The following SAMMSON variants were observed in gnomAD, a reference collection of about 807,000 sequenced individuals.
SAMMSON encodes the protein long intergenic non-protein coding RNA 1212.
At chr3:70,097,973 T>G (rs931333227) in intron 4 of SAMMSON, among the ~76,000 whole-genome samples, 1 of 152,222 alleles carries the variant, frequency 6.6e-6, no homozygotes, top group African/African-American at 2.4e-5. Flanking sequence ...CACCACATAA[T>G]AAATAGGGAG....
intron 4 of SAMMSON, chr3:70,197,299 A>G (rs1006962370): frequency 9.1e-5 from 36 of 397,126 alleles, no homozygotes; most frequent in Admixed American, 1.8e-4. Context: ...TTATTTATCC[A>G]CATTAGGGGT....
intron 4 of SAMMSON, among the ~76,000 whole-genome samples, chr3:70,213,934 T>C (rs1018432945): frequency 1.3e-5 from 2 of 152,058 alleles, no homozygotes; most frequent in African/African-American, 4.8e-5. Flanking sequence ...TTTCTTGACA[T>C]TGAGAAAAGC....
At chr3:70,212,490 T>A (rs1701361079) in intron 4 of SAMMSON, among the ~76,000 whole-genome samples, 1 of 152,098 alleles carries the variant, frequency 6.6e-6, no homozygotes, top group Non-Finnish European at 1.5e-5. Context: ...TCCAATCATT[T>A]ACAAGTTCTT....
At chr3:70,294,110 ATTCTCAGT>A (rs1176302156) in intron 7 of SAMMSON, among the ~76,000 whole-genome samples, 1 of 152,162 alleles carries the variant, frequency 6.6e-6, no homozygotes, top group Non-Finnish European at 1.5e-5. Flanking sequence ...TAAGTTTCCT[ATTCTCAGT>A]GTTTTAGAAA....
chr3:70,177,721 T>C (rs1398940022), intron 4 of SAMMSON, among the ~76,000 whole-genome samples: 1 of 152,178 alleles, frequency 6.6e-6, no homozygotes, highest in Middle Eastern at 3.2e-3. Context: ...ATGAGGAAGA[T>C]TCCATTATTA....
At chr3:70,063,847 A>G (rs2067199572) in intron 3 of SAMMSON, among the ~76,000 whole-genome samples, 1 of 152,078 alleles carries the variant, frequency 6.6e-6, no homozygotes, top group African/African-American at 2.4e-5. Context: ...CAATATTTGT[A>G]AAGGGCTTAG....
At chr3:70,220,453 A>G (rs1701452494) in intron 4 of SAMMSON, among the ~76,000 whole-genome samples, 1 of 152,028 alleles carries the variant, frequency 6.6e-6, no homozygotes, top group Admixed American at 6.6e-5. Flanking sequence ...AAAAAAAATT[A>G]CTTCAAGTTA....
chr3:70,372,872 T>C (rs1004428867), intron 9 of SAMMSON, among the ~76,000 whole-genome samples: 18 of 152,330 alleles, frequency 1.2e-4, no homozygotes, highest in African/African-American at 4.1e-4. Context: ...CACAGTCTAC[T>C]GGTGTCATTT....
intron 4 of SAMMSON, among the ~76,000 whole-genome samples, chr3:70,117,438 T>C (rs1415107549): frequency 6.6e-6 from 1 of 152,228 alleles, no homozygotes; most frequent in Non-Finnish European, 1.5e-5. Context: ...GAACTTGATA[T>C]TATTTATCAG....
intron 3 of SAMMSON, among the ~76,000 whole-genome samples, chr3:70,071,174 CAA>C (rs1298893218): frequency 2.6e-5 from 4 of 151,974 alleles, no homozygotes; most frequent in Admixed American, 2.0e-4. Context: ...TTATGCATCA[CAA>C]AGAGGTACAA....
chr3:70,388,532 T>C (rs529467564), intron 9 of SAMMSON, among the ~76,000 whole-genome samples: 1 of 152,270 alleles, frequency 6.6e-6, no homozygotes, highest in African/African-American at 2.4e-5. Flanking sequence ...CATTGCTATT[T>C]CTACAATATA....
At chr3:70,352,587 G>A (rs1014098535) in intron 7 of SAMMSON, among the ~76,000 whole-genome samples, 1 of 152,056 alleles carries the variant, frequency 6.6e-6, no homozygotes, top group Non-Finnish European at 1.5e-5. Context: ...AGCATGCTAA[G>A]CAACAGTATG....
At position 70,080,992 on chromosome 3, in the gene SAMMSON, A is replaced by G. The variant is rs553603859; in HGVS notation, n.507+9427A>G. On this transcript the variant is annotated intron_variant and non_coding_transcript_variant, in intron 4 of 9. Transcript: ENST00000642114. ...CCTACAAAAGTTGTTTCTTTGAACG[A>G]CAGACTTCTAATTGCTATATTGATA... 2.6e-5 allele frequency among the ~76,000 whole-genome samples: 4 copies of G among 152,344 alleles called. No individual in the cohort carries two copies. The South Asian group carries it at 6.2e-4, about 24-fold the overall frequency.
chr3:70,322,238 T>C (rs1006429456), intron 7 of SAMMSON, among the ~76,000 whole-genome samples: 6 of 152,126 alleles, frequency 3.9e-5, no homozygotes, highest in African/African-American at 1.4e-4. Context: ...CTAATAGATA[T>C]TATTGACCGA....
chr3:70,313,140 T>A (rs1400303055), intron 7 of SAMMSON, among the ~76,000 whole-genome samples: 1 of 152,098 alleles, frequency 6.6e-6, no homozygotes, highest in African/African-American at 2.4e-5. Context: ...ATTCCAAAGA[T>A]GATATGTCAT....
chr3:70,098,309 C>G (rs1356837493), intron 4 of SAMMSON, among the ~76,000 whole-genome samples: 1 of 152,166 alleles, frequency 6.6e-6, no homozygotes, highest in Non-Finnish European at 1.5e-5. Flanking sequence ...GCCTCTCTCC[C>G]TTCCCTCCTA....
chr3:70,250,898 C>T lies in SAMMSON; in HGVS notation n.674+1228C>T, dbSNP rs935169497. Among the ~76,000 whole-genome samples, 14 of 152,248 alleles carry T rather than the reference C, an allele frequency of 9.2e-5. No homozygotes were observed. The South Asian group carries it at 1.0e-3, about 11-fold the overall frequency. On this transcript the variant is annotated intron_variant and non_coding_transcript_variant, in intron 6 of 9. Transcript: ENST00000642114. ...AAGGCTTCATCAAAAATATATAGTA[C>T]ATTTGGCTGAAAAAAATGGTCTCCA...
chr3:70,013,281 T>G (rs1470735001), intron 2 of SAMMSON, among the ~76,000 whole-genome samples: 4 of 152,164 alleles, frequency 2.6e-5, no homozygotes, highest in African/African-American at 9.7e-5. Flanking sequence ...TGAGTTTCTT[T>G]TTTTAAAAAA....
chr3:70,408,936 A>T (rs137894353), intron 2 of SAMMSON, among the ~76,000 whole-genome samples: 234 of 152,290 alleles, frequency 1.5e-3, no homozygotes, highest in African/African-American at 5.4e-3. Context: ...GAATCATAGC[A>T]GGAGGCAAAA....
Sources: allele counts gnomAD v4.1 joint callset (sites outside exome capture counted in the v4.1 genomes callset), GRCh38; gene constraint gnomAD v4.1.1; transcripts MANE v1.5; gene names NCBI Gene and HGNC (gene_info 2026-07-23, HGNC 2026-07-21).